The following CCDC88B variants were observed in gnomAD, a reference collection of about 807,000 sequenced individuals.
The protein encoded by CCDC88B is coiled-coil and HOOK domain protein 88B.
CCDC88B carries 138 observed loss-of-function variants against 183.7 expected under a neutral mutation model. The observed-to-expected ratio is 0.75, with a 90% CI of 0.65 to 0.87. CCDC88B has a LOEUF of 0.87. Ranked by LOEUF, CCDC88B falls within the 40% of genes least tolerant of loss-of-function variation. The pLI is 0.00. For synonymous variants in CCDC88B, 835 were observed against 867.5 expected (o/e 0.96, Z 0.66); for missense variants, 1,822 against 1,965.6 (o/e 0.93, Z 1.38).
chr11:64,354,199 G>C, intron 24 of CCDC88B, 29 bp downstream of exon 24: 2 of 1,325,276 alleles, frequency 1.5e-6, no homozygotes, highest in Non-Finnish European at 1.9e-6. Context: ...TGGCCAGGAT[G>C]GTCCCTGCCC....
chr11:64,349,667 AGGTGAT>A lies in CCDC88B; in HGVS notation c.2862+1_2862+6del. 1 of 1,588,866 alleles carries A rather than the reference AGGTGAT, an allele frequency of 6.3e-7. No individual in the cohort carries two copies. The highest frequency in any genetic ancestry group is 8.6e-7 in the Non-Finnish European group (1 of 1,168,008). ...CTGCAGCTGGAAGAGGAGCTGTTCC[AGGTGAT>A]GCCTGCCCGCCTGGGAGCTGGGGGC... On this transcript the variant is annotated splice_donor_variant and splice_donor_5th_base_variant and coding_sequence_variant and intron_variant, in exon 16 of 27. Coordinates refer to ENST00000356786, the MANE Select transcript of CCDC88B (RefSeq NM_032251.6). LOFTEE classifies it high-confidence loss of function.
chr11:64,346,443 A>AT (rs561099739), intron 14 of CCDC88B, among the ~76,000 whole-genome samples: 39,136 of 140,086 alleles, frequency 0.28, 5,641 homozygotes, highest in Non-Finnish European at 0.34. Context: ...TACTTTTTGT[A>AT]TTTTTTTTTT....
At chr11:64,355,717 A>T in intron 26 of CCDC88B, 89 bp downstream of exon 26, 1 of 1,283,908 alleles carries the variant, frequency 7.8e-7, no homozygotes, top group Non-Finnish European at 1.1e-6. Flanking sequence ...TCATTCGACA[A>T]TGATCCTTTA....
intron 14 of CCDC88B, among the ~76,000 whole-genome samples, chr11:64,346,039 A>C (rs545317807): frequency 5.3e-5 from 8 of 152,284 alleles, no homozygotes; most frequent in East Asian, 3.9e-4. Flanking sequence ...ACAACAACAA[A>C]AAAAGAATGC....
rs754897011 is a variant in CCDC88B at position 64,352,833 on chromosome 11, A to T, written c.3446A>T (p.His1149Leu). The change falls in exon 20 of 27, where the codon CAT becomes CTT. Residue 1149 changes from histidine (H) to leucine (L), a missense_variant. Physicochemically the swap from His to Leu is moderately conservative, Grantham distance 99. Transcript: ENST00000356786. ...CGTGAACGCCTGATGCAAGATGGGCATCGGCAGCGGGGCCTGGAGGAGGAG... is the reference window on the plus strand; with the variant it reads ...CGTGAACGCCTGATGCAAGATGGGCTTCGGCAGCGGGGCCTGGAGGAGGAG... ...AERERLMQDGHRQRGLEEELR... is the reference protein window; with the variant it reads ...AERERLMQDGLRQRGLEEELR... 33 of 1,612,360 alleles carry T rather than the reference A, an allele frequency of 2.0e-5. No homozygotes were observed. The highest frequency in any genetic ancestry group is 2.8e-5 in the Non-Finnish European group (33 of 1,179,668).
rs1417585309 is a variant in CCDC88B at position 64,340,212 on chromosome 11, C to T, written c.-55C>T. On this transcript the variant is annotated 5_prime_UTR_variant, in exon 1 of 27. Coordinates refer to ENST00000356786, the MANE Select transcript of CCDC88B (RefSeq NM_032251.6). ...GGGATCCCCCACTCGGGGACTTCCT[C>T]TTCCTCTCAGGGCAGGTGCAGCTGC... 8.6e-7 allele frequency: 1 copy of T among 1,165,018 alleles called. No individual in the cohort carries two copies. The highest frequency in any genetic ancestry group is 3.2e-5 in the East Asian group (1 of 31,514). 72.2% of individuals were successfully genotyped at this position (1,165,018 alleles called of 1,614,324 possible).
At chr11:64,351,293 C>T in intron 17 of CCDC88B, 38 bp downstream of exon 17, 1 of 1,500,760 alleles carries the variant, frequency 6.7e-7, no homozygotes, top group Non-Finnish European at 8.9e-7. Flanking sequence ...GGGAGGTGCC[C>T]CGTGCAGTGT....
chr11:64,354,934 C>G (rs1237969231), intron 24 of CCDC88B, among the ~76,000 whole-genome samples: 1 of 53,916 alleles, frequency 1.9e-5, no homozygotes, highest in Non-Finnish European at 3.8e-5. Context: ...GAGCCTCAGC[C>G]CCCCCGCTCC....
At chr11:64,349,187 G>T (rs2036229198) in intron 14 of CCDC88B, 144 bp from the exon 15 acceptor site, 2 of 954,368 alleles carry the variant, frequency 2.1e-6, no homozygotes, top group Non-Finnish European at 3.2e-6. Context: ...CCATTTTATA[G>T]ATGGGGAAGT....
Position 64,357,287 on chromosome 11 carries a change from G to T in CCDC88B, c.*193G>T. 4.0e-6 allele frequency: 3 copies of T among 753,542 alleles called. No homozygotes were observed. Among genetic ancestry groups the T allele is most frequent in the Non-Finnish European group, 4.8e-6 (2 of 417,310 alleles). 46.7% of individuals were successfully genotyped at this position (753,542 alleles called of 1,614,324 possible). On this transcript the variant is annotated 3_prime_UTR_variant, in exon 27 of 27. Coordinates refer to ENST00000356786, the MANE Select transcript of CCDC88B (RefSeq NM_032251.6). The stretch of plus-strand genomic sequence containing the variant: ...GGAGCTGGGACGAGTGTGTGGACAG[G>T]GGGGATGGCTGGCCCCCACGAGCAG...
chr11:64,350,702 A>C (rs11231765), intron 16 of CCDC88B: 2 of 151,310 alleles, frequency 1.3e-5, no homozygotes, highest in Non-Finnish European at 2.9e-5. Context: ...ACCCAAAAAA[A>C]CAAAAAAAAC....
Position 64,352,480 on chromosome 11 carries a change from C to T in CCDC88B, c.3356+94C>T, listed in dbSNP as rs558382623. On this transcript the variant is annotated intron_variant, in intron 19 of 26. Transcript: ENST00000356786. ...AGGTCTGACTCCCCATCAGGAAGCA[C>T]CTCCACCTCCGCTCTGTGATGCCCC... 7 of 1,437,356 alleles carry T rather than the reference C, an allele frequency of 4.9e-6. No individual in the cohort carries two copies. In the African/African-American group the frequency reaches 7.1e-5, roughly 15 times the overall value. 89.0% of individuals were successfully genotyped at this position (1,437,356 alleles called of 1,614,324 possible).
chr11:64,345,232 G>A, intron 14 of CCDC88B, 75 bp downstream of exon 14: 3 of 1,474,436 alleles, frequency 2.0e-6, no homozygotes, highest in Non-Finnish European at 2.7e-6. Flanking sequence ...GATTCCATCA[G>A]CAGCTGTTCA....
Position 64,351,475 on chromosome 11 carries a change from G to A in CCDC88B, c.2959-1G>A. The A allele has an allele frequency of 6.3e-7, 1 of 1,586,332 alleles. No individual in the cohort carries two copies. The highest frequency in any genetic ancestry group is 1.7e-5 in the Admixed American group (1 of 58,312). On this transcript the variant is annotated splice_acceptor_variant, in intron 17 of 26. Coordinates refer to ENST00000356786, the MANE Select transcript of CCDC88B (RefSeq NM_032251.6). LOFTEE classifies it high-confidence loss of function. ...TATTGCTAACCCCCACTTCTGGGCA[G>A]AATGCGATGCTGGTGGCAGAGAAGG...
intron 23 of CCDC88B, 63 bp downstream of exon 23, chr11:64,353,876 C>G: frequency 6.2e-7 from 1 of 1,601,200 alleles, no homozygotes; most frequent in Non-Finnish European, 8.6e-7. Flanking sequence ...CTGCCCTGGC[C>G]TCTGACCCCA....
At chr11:64,347,084 G>A (rs531230456) in intron 14 of CCDC88B, among the ~76,000 whole-genome samples, 9 of 152,304 alleles carry the variant, frequency 5.9e-5, no homozygotes, top group Non-Finnish European at 8.8e-5. Flanking sequence ...GTGAGCCACC[G>A]CACCTGGCCA....
chr11:64,354,145 T>A lies in CCDC88B; in HGVS notation c.4074T>A (p.Pro1358=), dbSNP rs1269664823. The change falls in exon 24 of 27, where the codon CCT becomes CCA. Residue 1358 remains proline (P), a synonymous_variant. Transcript: ENST00000356786. ...SLGGPPETEL[P]EGREADGTGS... is the part of the protein sequence containing the mutation. ...GGGGCCCCCCGGAGACGGAGCTTCCTGAGGGCAGGGAGGCAGATGGGACAG... is the reference window on the plus strand; with the variant it reads ...GGGGCCCCCCGGAGACGGAGCTTCCAGAGGGCAGGGAGGCAGATGGGACAG... 1.5e-5 allele frequency: 21 copies of A among 1,372,346 alleles called. No homozygotes were observed. The highest frequency in any genetic ancestry group is 1.9e-5 in the Non-Finnish European group (20 of 1,056,206). The allele number at this position is 1,372,346 out of a possible 1,614,324, so 85.0% of individuals were successfully genotyped here. A position where few individuals can be genotyped will look rare whatever the true frequency, so the allele number is the denominator to read the frequency against.
chr11:64,347,589 G>A (rs191711035), intron 14 of CCDC88B, among the ~76,000 whole-genome samples: 2 of 152,152 alleles, frequency 1.3e-5, no homozygotes, highest in African/African-American at 2.4e-5. Context: ...GGGTTCTGGC[G>A]AATGTGAGAG....
intron 22 of CCDC88B, 45 bp from the exon 23 acceptor site, chr11:64,353,670 C>G (rs775888347): frequency 6.2e-7 from 1 of 1,605,928 alleles, no homozygotes; most frequent in Non-Finnish European, 8.5e-7. Context: ...ACTGCCTCGG[C>G]CTCCCTGGGC....
Sources: allele counts gnomAD v4.1 joint callset (sites outside exome capture counted in the v4.1 genomes callset), GRCh38; gene constraint gnomAD v4.1.1; transcripts MANE v1.5; gene names NCBI Gene and HGNC (gene_info 2026-07-23, HGNC 2026-07-21).